The following TSHZ3 variants were observed in gnomAD, a reference collection of about 807,000 sequenced individuals.
The protein encoded by TSHZ3 is teashirt homolog 3.
Under a neutral mutation model 64.5 loss-of-function variants are expected in TSHZ3, and 10 were observed. The ratio of observed to expected loss-of-function variants is 0.16; its 90% confidence interval spans 0.10 to 0.26. The LOEUF is 0.26. Among genes scored for constraint, TSHZ3 ranks in the 10% least tolerant of loss-of-function variants. TSHZ3 has a pLI of 1.00. For synonymous variants in TSHZ3, 608 were observed against 593.1 expected, an observed-to-expected ratio of 1.03 and a Z score of -0.36; for missense variants, 1,242 against 1,421.7, an observed-to-expected ratio of 0.87 and a Z score of 2.03.
chr19:31,275,682 A>G lies in TSHZ3; in HGVS notation c.*865T>C, dbSNP rs1240970043. ...TATCAATATAGATGTACTGTATAGC[A>G]AAACAAACTATCATACTTTGCTTTC... is the stretch of plus-strand genomic sequence containing the variant. On this transcript the variant is annotated 3_prime_UTR_variant, in exon 2 of 2. Transcript: ENST00000240587. The G allele has an allele frequency of 6.6e-6, 1 of 152,646 alleles. No homozygotes were observed. Among genetic ancestry groups the G allele is most frequent in the East Asian group, 1.9e-4 (1 of 5,200 alleles). 9.5% of individuals were successfully genotyped at this position (152,646 alleles called of 1,614,324 possible).
At chr19:31,173,868 G>A (rs1397264877) in intron 5 of TSHZ3, among the ~76,000 whole-genome samples, 1 of 152,128 alleles carries the variant, frequency 6.6e-6, no homozygotes. Flanking sequence ...TTAGGAGCTC[G>A]AGACCAGCTT....
chr19:31,168,035 G>C (rs1008906008), intron 5 of TSHZ3, among the ~76,000 whole-genome samples: 15 of 152,132 alleles, frequency 9.9e-5, no homozygotes, highest in African/African-American at 3.4e-4. Flanking sequence ...TCAAAGATGG[G>C]GGAACCCACA....
chr19:31,220,280 C>T (rs1368582712), intron 4 of TSHZ3, among the ~76,000 whole-genome samples: 1 of 152,188 alleles, frequency 6.6e-6, no homozygotes, highest in Non-Finnish European at 1.5e-5. Flanking sequence ...ACAATAATCA[C>T]ATAGCAAGGA....
chr19:31,266,520 A>T (rs1183592330), intron 1 of TSHZ3, among the ~76,000 whole-genome samples: 1 of 152,126 alleles, frequency 6.6e-6, no homozygotes, highest in Non-Finnish European at 1.5e-5. Flanking sequence ...GCCAGAAATT[A>T]TTCAAGATGC....
rs777118727 is a variant in TSHZ3 at position 31,276,526 on chromosome 19, C to T, written c.*21G>A. ...AGTTTCCCTCAAAGCAAACTGCAGT[C>T]CTTTCTATCAAAAGCAAATGCTACT... On this transcript the variant is annotated 3_prime_UTR_variant, in exon 2 of 2. Coordinates refer to ENST00000240587, the MANE Select transcript of TSHZ3 (RefSeq NM_020856.4). 1.3e-6 allele frequency: 2 copies of T among 1,527,984 alleles called. No homozygotes were observed. Among genetic ancestry groups the T allele is most frequent in the Non-Finnish European group, 8.8e-7 (1 of 1,135,694 alleles). 94.7% of individuals were successfully genotyped at this position (1,527,984 alleles called of 1,614,324 possible).
chr19:31,338,266 G>A (rs578123645), intron 1 of TSHZ3, among the ~76,000 whole-genome samples: 68 of 152,256 alleles, frequency 4.5e-4, no homozygotes, highest in Non-Finnish European at 4.4e-5. Flanking sequence ...GGGTGTCCTG[G>A]TGCACACAGC....
intron 1 of TSHZ3, among the ~76,000 whole-genome samples, chr19:31,269,206 CAGA>C (rs1485559863): frequency 6.6e-6 from 1 of 152,060 alleles, no homozygotes; most frequent in Non-Finnish European, 1.5e-5. Context: ...CCTAGCCAAG[CAGA>C]AGAACTCAAA....
chr19:31,170,713 A>C (rs1337777872), intron 5 of TSHZ3, among the ~76,000 whole-genome samples: 1 of 152,222 alleles, frequency 6.6e-6, no homozygotes, highest in Non-Finnish European at 1.5e-5. Flanking sequence ...ATGTTTCCCC[A>C]CAGGGGCCCT....
intron 1 of TSHZ3, among the ~76,000 whole-genome samples, chr19:31,280,039 T>G (rs950224830): frequency 6.6e-6 from 1 of 152,080 alleles, no homozygotes; most frequent in Non-Finnish European, 1.5e-5. Context: ...AAAACTAAAT[T>G]TGAAATTAAT....
At chr19:31,265,993 T>C (rs1419927660) in intron 1 of TSHZ3, among the ~76,000 whole-genome samples, 2 of 152,200 alleles carry the variant, frequency 1.3e-5, no homozygotes, top group Non-Finnish European at 2.9e-5. Flanking sequence ...AAATTCCTGC[T>C]GACAGCATCT....
chr19:31,248,220 G>A (rs969365990), intron 1 of TSHZ3, among the ~76,000 whole-genome samples: 4 of 152,134 alleles, frequency 2.6e-5, no homozygotes, highest in African/African-American at 4.8e-5. Context: ...GAGATTGGGT[G>A]GGGACACAGC....
At chr19:31,323,950 C>T (rs1235240730) in intron 1 of TSHZ3, among the ~76,000 whole-genome samples, 2 of 150,494 alleles carry the variant, frequency 1.3e-5, no homozygotes, top group Admixed American at 1.3e-4. Context: ...CTAGGGCATC[C>T]CTTTGCATGT....
chr19:31,324,547 G>A (rs1362779605), intron 1 of TSHZ3, among the ~76,000 whole-genome samples: 6 of 152,256 alleles, frequency 3.9e-5, no homozygotes, highest in South Asian at 2.1e-4. Context: ...GGCAAGGGGC[G>A]TGAAGCCTGA....
intron 1 of TSHZ3, among the ~76,000 whole-genome samples, chr19:31,282,327 G>C (rs1976376927): frequency 1.3e-5 from 2 of 152,018 alleles, no homozygotes; most frequent in South Asian, 4.1e-4. Context: ...CCACACCCTG[G>C]GGATTTTGCT....
At chr19:31,305,767 A>G (rs1261925669) in intron 1 of TSHZ3, 1 of 152,188 alleles carries the variant, frequency 6.6e-6, no homozygotes, top group Non-Finnish European at 1.5e-5. Context: ...GACTTTTCAG[A>G]GCAATGTTTA....
intron 1 of TSHZ3, among the ~76,000 whole-genome samples, chr19:31,337,719 A>AC (rs1491038577): frequency 2.8e-5 from 4 of 143,446 alleles, no homozygotes; most frequent in African/African-American, 1.1e-4. Flanking sequence ...ATTTCAAAAT[A>AC]AACACACACA....
At chr19:31,284,012 A>C (rs965922618) in intron 1 of TSHZ3, among the ~76,000 whole-genome samples, 1 of 152,204 alleles carries the variant, frequency 6.6e-6, no homozygotes, top group Admixed American at 6.5e-5. Flanking sequence ...GATTCGACCC[A>C]ACAATGCATC....
At position 31,158,948 on chromosome 19, in the gene TSHZ3, C is replaced by T. The variant is rs116772890; in HGVS notation, n.810-2531G>A. ...TGTAAATACAGATGACACTTCACTC[C>T]TTCTCCCATGGCACCACTCTCGCTT... On this transcript the variant is annotated intron_variant and non_coding_transcript_variant, in intron 5 of 6. Coordinates refer to the TSHZ3 transcript ENST00000651361. Among the ~76,000 whole-genome samples the T allele has an allele frequency of 4.2e-3, 641 of 152,284 alleles. 3 individuals carry two copies. Among genetic ancestry groups the T allele is most frequent in the African/African-American group, 0.013 (543 of 41,576 alleles).
At chr19:31,260,641 G>A (rs1402806065) in intron 1 of TSHZ3, among the ~76,000 whole-genome samples, 7 of 152,220 alleles carry the variant, frequency 4.6e-5, no homozygotes, top group African/African-American at 1.4e-4. Context: ...CCTTTGTTGA[G>A]CATCTACTAT....
Sources: gnomAD v4.1 joint callset for allele counts (sites outside exome capture counted in the v4.1 genomes callset) on GRCh38, gnomAD v4.1.1 for gene constraint, MANE v1.5 for transcripts, NCBI Gene and HGNC (gene_info 2026-07-23, HGNC 2026-07-21) for gene names.